The following WWTR1 variants were observed in gnomAD, a reference collection of about 807,000 sequenced individuals.
WWTR1 encodes WW domain containing transcription regulator 1.
WWTR1 carries 13 observed loss-of-function variants against 40.1 expected under a neutral mutation model. That is an observed-to-expected ratio of 0.32 (90% CI 0.21 to 0.52). The LOEUF (loss-of-function observed/expected upper bound fraction) is 0.52, where lower values mean the gene tolerates loss of function less well. Ranked by LOEUF, WWTR1 falls within the 20% of genes least tolerant of loss-of-function variation. The probability of loss-of-function intolerance (pLI) is 0.97; values close to 1 mark genes in which losing one functional copy is unlikely to be tolerated. For synonymous variants in WWTR1, 230 were observed against 210.1 expected, an observed-to-expected ratio of 1.09 and a Z score of -0.82; for missense variants, 436 against 523.1, an observed-to-expected ratio of 0.83 and a Z score of 1.63.
intron 2 of WWTR1, among the ~76,000 whole-genome samples, chr3:149,667,563 A>C: frequency 7.7e-6 from 1 of 129,808 alleles, no homozygotes; most frequent in South Asian, 2.5e-4. Context: ...AAAAAAAAAA[A>C]ATTATGAAAA....
chr3:149,619,401 G>A (rs1479100381), intron 2 of WWTR1, among the ~76,000 whole-genome samples: 1 of 152,148 alleles, frequency 6.6e-6, no homozygotes, highest in Non-Finnish European at 1.5e-5. Flanking sequence ...TGAGAGGATT[G>A]CTTGAGGCCA....
intron 3 of WWTR1, among the ~76,000 whole-genome samples, chr3:149,558,767 A>G (rs1736957621): frequency 1.3e-5 from 2 of 152,220 alleles, no homozygotes; most frequent in Non-Finnish European, 2.9e-5. Context: ...TTCCTCAAAA[A>G]TGTCAAGGTC....
rs560751666 is a variant in WWTR1 at position 149,637,786 on chromosome 3, G to A, written c.431+19090C>T. Among the ~76,000 whole-genome samples, 3 of 152,290 alleles carry A rather than the reference G, an allele frequency of 2.0e-5. No homozygotes were observed. The South Asian group carries it at 6.2e-4, about 32-fold the overall frequency. On this transcript the variant is annotated intron_variant, in intron 2 of 6. Transcript: ENST00000360632. ...AGGAGATCCCTTCTAGTTGGTTGGT[G>A]TAATAAGGCATTAGACAGGAGATGG...
intron 2 of WWTR1, among the ~76,000 whole-genome samples, chr3:149,646,654 G>C (rs1287173509): frequency 1.3e-5 from 2 of 152,294 alleles, no homozygotes; most frequent in Middle Eastern, 3.4e-3. Flanking sequence ...CATCAGCCTT[G>C]TATAAGAAGG....
intron 6 of WWTR1, among the ~76,000 whole-genome samples, chr3:149,522,233 G>A (rs545444328): frequency 1.1e-4 from 16 of 152,256 alleles, no homozygotes; most frequent in African/African-American, 2.9e-4. Flanking sequence ...TTCCTGAAAC[G>A]TGTGTAGGGA....
At chr3:149,538,027 C>A (rs549452845) in intron 4 of WWTR1, among the ~76,000 whole-genome samples, 155 of 151,968 alleles carry the variant, frequency 1.0e-3, no homozygotes, top group Middle Eastern at 3.4e-3. Context: ...CCAAGAGATT[C>A]TCCTGCCTCA....
At chr3:149,590,889 T>A (rs929787402) in intron 2 of WWTR1, among the ~76,000 whole-genome samples, 7 of 152,016 alleles carry the variant, frequency 4.6e-5, no homozygotes, top group Non-Finnish European at 8.8e-5. Flanking sequence ...TGGAACAATA[T>A]CTCCTGCAGG....
In WWTR1 at chr3:149,552,499, C is replaced by T. The variant is rs868635182; in HGVS notation, c.569-9962G>A. ...TGGCAACGCCTCACCCATAACTCAT[C>T]TTCTCTAGAGGATGCATTTTAACCC... On this transcript the variant is annotated intron_variant, in intron 3 of 6. Coordinates refer to ENST00000360632, the MANE Select transcript of WWTR1 (RefSeq NM_015472.6). Among the ~76,000 whole-genome samples the T allele has an allele frequency of 2.6e-5, 4 of 152,218 alleles. No homozygotes were observed. The South Asian group carries it at 6.2e-4, about 24-fold the overall frequency.
Position 149,562,600 on chromosome 3 carries a change from GACACACACACACACAC to G in WWTR1, c.568+10248_568+10263del, listed in dbSNP as rs60366789. Among the ~76,000 whole-genome samples, 610 of 135,882 alleles carry G rather than the reference GACACACACACACACAC, an allele frequency of 4.5e-3. 3 individuals are homozygous for G. Among genetic ancestry groups the G allele is most frequent in the South Asian group, 0.036 (140 of 3,920 alleles). 89.1% of individuals were successfully genotyped at this position (135,882 alleles called of 152,430 possible). A position where few individuals can be genotyped will look rare whatever the true frequency, so the allele number is the denominator to read the frequency against. ...TTTTTTTTTTCTGCCTTAAAATACA[GACACACACACACACAC>G]ACACACACACACACACACACACACA... On this transcript the variant is annotated intron_variant, in intron 3 of 6. Coordinates refer to ENST00000360632, the MANE Select transcript of WWTR1 (RefSeq NM_015472.6).
At chr3:149,529,236 A>G (rs1419264612) in intron 4 of WWTR1, among the ~76,000 whole-genome samples, 1 of 152,236 alleles carries the variant, frequency 6.6e-6, no homozygotes, top group East Asian at 1.9e-4. Context: ...AATGGCAAAC[A>G]GAACATTTAG....
chr3:149,595,173 G>A (rs1274277203), intron 2 of WWTR1, among the ~76,000 whole-genome samples: 1 of 151,542 alleles, frequency 6.6e-6, no homozygotes, highest in Non-Finnish European at 1.5e-5. Flanking sequence ...TGCTGCCCAG[G>A]ACGGTCTCAA....
intron 2 of WWTR1, among the ~76,000 whole-genome samples, chr3:149,589,025 C>G (rs1239098268): frequency 6.6e-6 from 1 of 152,170 alleles, no homozygotes; most frequent in African/African-American, 2.4e-5. Flanking sequence ...TTTACGGCTG[C>G]CTCTGGCAGC....
intron 2 of WWTR1, among the ~76,000 whole-genome samples, chr3:149,615,658 T>C (rs907736990): frequency 1.3e-5 from 2 of 152,238 alleles, no homozygotes; most frequent in Non-Finnish European, 2.9e-5. Flanking sequence ...GCACTATTTC[T>C]AGCACTTGAT....
chr3:149,666,965 AATGGCC>A (rs1373483025), intron 2 of WWTR1, among the ~76,000 whole-genome samples: 1 of 152,176 alleles, frequency 6.6e-6, no homozygotes, highest in Non-Finnish European at 1.5e-5. Flanking sequence ...TTTGTCATCT[AATGGCC>A]ATACGATGTA....
At chr3:149,588,632 A>T (rs935924516) in intron 2 of WWTR1, among the ~76,000 whole-genome samples, 2 of 152,202 alleles carry the variant, frequency 1.3e-5, no homozygotes, top group African/African-American at 4.8e-5. Context: ...ACATATGAAC[A>T]AGGGGGAAGT....
At chr3:149,611,615 T>G (rs1739742609) in intron 2 of WWTR1, among the ~76,000 whole-genome samples, 1 of 152,176 alleles carries the variant, frequency 6.6e-6, no homozygotes, top group Admixed American at 6.5e-5. Flanking sequence ...AAAATCATAT[T>G]GTGAGGGGCA....
intron 2 of WWTR1, among the ~76,000 whole-genome samples, chr3:149,642,722 C>A (rs1355863918): frequency 6.6e-6 from 1 of 151,450 alleles, no homozygotes; most frequent in African/African-American, 2.4e-5. Context: ...TTGCAGTGAG[C>A]CGAGATCGGG....
intron 2 of WWTR1, among the ~76,000 whole-genome samples, chr3:149,636,127 G>A (rs1196148131): frequency 3.3e-5 from 5 of 152,160 alleles, no homozygotes; most frequent in Non-Finnish European, 7.3e-5. Context: ...GATTAATCTG[G>A]CTAAACTTTC....
intron 1 of WWTR1, among the ~76,000 whole-genome samples, chr3:149,679,431 A>G (rs1714382357): frequency 6.6e-6 from 1 of 152,226 alleles, no homozygotes; most frequent in Non-Finnish European, 1.5e-5. Flanking sequence ...ACTTCCTGAA[A>G]TTCTAGCCTC....
Sources: allele counts gnomAD v4.1 joint callset (sites outside exome capture counted in the v4.1 genomes callset), GRCh38; gene constraint gnomAD v4.1.1; transcripts MANE v1.5; gene names NCBI Gene and HGNC (gene_info 2026-07-23, HGNC 2026-07-21).